Variants in ZSWIM4 observed in about 807,000 individuals in gnomAD.
ZSWIM4 encodes zinc finger SWIM domain-containing protein 4.
A neutral mutation model predicts 102.5 loss-of-function variants in ZSWIM4; 62 were observed. The observed-to-expected ratio is 0.60, with a 90% CI of 0.49 to 0.75. ZSWIM4 has a LOEUF of 0.75. Ranked by LOEUF, ZSWIM4 falls within the 30% of genes least tolerant of loss-of-function variation. The probability of loss-of-function intolerance (pLI) is 0.00; values close to 1 mark genes in which losing one functional copy is unlikely to be tolerated. For synonymous variants in ZSWIM4, 652 were observed against 674.5 expected (o/e 0.97, Z 0.52); for missense variants, 1,280 against 1,529.6 (o/e 0.84, Z 2.72).
chr19:13,799,556 G>A (rs867253530), intron 1 of ZSWIM4, among the ~76,000 whole-genome samples, 164 bp from the exon 2 acceptor site: 8 of 151,894 alleles, frequency 5.3e-5, no homozygotes, highest in Non-Finnish European at 1.2e-4. Flanking sequence ...GATTACAGGC[G>A]TGAGCCATCG....
At chr19:13,816,535 G>A (rs528648610) in intron 7 of ZSWIM4, among the ~76,000 whole-genome samples, 1 of 152,244 alleles carries the variant, frequency 6.6e-6, no homozygotes, top group East Asian at 1.9e-4. Flanking sequence ...ACTGAGGCAG[G>A]AGAATCCCTT....
intron 10 of ZSWIM4, among the ~76,000 whole-genome samples, chr19:13,820,256 G>A (rs1019033472): frequency 6.6e-6 from 1 of 151,844 alleles, no homozygotes; most frequent in African/African-American, 2.4e-5. Flanking sequence ...TTTGTTTTGA[G>A]ACAGGGTCTG....
At position 13,817,748 on chromosome 19, in the gene ZSWIM4, G is replaced by A. The variant is rs918728872; in HGVS notation, c.1696G>A (p.Ala566Thr). 3 of 1,606,816 alleles carry A rather than the reference G, an allele frequency of 1.9e-6. No homozygotes were observed. The highest frequency in any genetic ancestry group is 2.5e-6 in the Non-Finnish European group (3 of 1,177,630). ...CTCAGGCCCCGAGAAGCGGAAGGTG[G>A]CCTACCAGCACGTGCCTGTGCCCGG... ...PDSGPEKRKVAYQHVPVPGSP... is the reference protein window; with the variant it reads ...PDSGPEKRKVTYQHVPVPGSP... The change falls in exon 9 of 14, where the codon GCC becomes ACC. Residue 566 changes from alanine to threonine, a missense_variant. By Grantham distance (58) the Ala-to-Thr change is moderately conservative (BLOSUM62 0). Transcript: ENST00000590508.
chr19:13,825,862 TGAGCGA>T lies in ZSWIM4; in HGVS notation c.2379+152_2379+157del. On this transcript the variant is annotated intron_variant, in intron 12 of 13. Transcript: ENST00000590508. This position sits in a 1 kb window ranked among gnomAD's most constrained non-coding sequence, Gnocchi z 4.6. ...GAGCTATTCCTCTGTGGCTGGGGAC[TGAGCGA>T]GAACCACTCTTGGGGCGGGGACTGT... is the stretch of plus-strand genomic sequence containing the variant. 3 of 1,179,570 alleles carry T rather than the reference TGAGCGA, an allele frequency of 2.5e-6. No homozygotes were observed. Among genetic ancestry groups the T allele is most frequent in the Non-Finnish European group, 2.3e-6 (2 of 860,572 alleles). 73.1% of individuals were successfully genotyped at this position (1,179,570 alleles called of 1,614,324 possible).
intron 5 of ZSWIM4, among the ~76,000 whole-genome samples, chr19:13,811,260 C>A (rs748593188): frequency 1.3e-5 from 2 of 152,152 alleles, no homozygotes; most frequent in Non-Finnish European, 2.9e-5. Flanking sequence ...TTCAGCCCTG[C>A]AGGCCATCTG....
Position 13,810,096 on chromosome 19 carries a change from AC to A in ZSWIM4, c.1012+878del, listed in dbSNP as rs546151999. Among the ~76,000 whole-genome samples, 215 of 147,590 alleles carry A rather than the reference AC, an allele frequency of 1.5e-3. 1 individual carries two copies. The highest frequency in any genetic ancestry group is 5.0e-3 in the African/African-American group (200 of 39,950). On this transcript the variant is annotated intron_variant, in intron 5 of 13. Coordinates refer to ENST00000590508, the MANE Select transcript of ZSWIM4 (RefSeq NM_001367834.3). ...TGCAAGCTCCGCCCTCCGGGTTCAC[AC>A]CATTCTCCTGCCTCAGCCTCCCTAG...
intron 7 of ZSWIM4, among the ~76,000 whole-genome samples, chr19:13,816,833 G>A (rs980616906): frequency 6.6e-6 from 1 of 152,122 alleles, no homozygotes; most frequent in Non-Finnish European, 1.5e-5. Context: ...GTCCTTGGGG[G>A]CCCTAAAGGC....
At chr19:13,819,271 C>G in intron 9 of ZSWIM4, 86 bp from the exon 10 acceptor site, 3 of 1,555,340 alleles carry the variant, frequency 1.9e-6, no homozygotes, top group Non-Finnish European at 2.6e-6. Flanking sequence ...AGCCCACCCT[C>G]TACTTAAAGC....
chr19:13,800,027 A>C (rs1974716426), intron 2 of ZSWIM4, 106 bp downstream of exon 2: 1 of 1,106,314 alleles, frequency 9.0e-7, no homozygotes. Context: ...GGGAGGTTAC[A>C]GACCTCAGGC....
At chr19:13,811,339 C>G (rs1301990120) in intron 5 of ZSWIM4, among the ~76,000 whole-genome samples, 1 of 152,134 alleles carries the variant, frequency 6.6e-6, no homozygotes, top group Non-Finnish European at 1.5e-5. Context: ...ATATACCAAA[C>G]GGGCATGGTA....
rs769389486 is a variant in ZSWIM4 at position 13,830,952 on chromosome 19, G to C, written c.3223G>C (p.Asp1075His). The stretch of plus-strand genomic sequence containing the variant: ...CCGGGAGACCTTCCTGCTGGCGCCC[G>C]ACGGGCACCTCCAGTTCTCACAGTT... ...KARETFLLAP[D>H]GHLQFSQFLE... The change falls in exon 14 of 14, where the codon GAC (aspartate) becomes CAC (histidine). Residue 1075 changes from aspartate (D) to histidine (H), a missense_variant. Physicochemically the swap from Asp to His is moderately conservative, Grantham distance 81. Coordinates refer to ENST00000590508, the MANE Select transcript of ZSWIM4 (RefSeq NM_001367834.3). 3 of 1,614,188 alleles carry C rather than the reference G, an allele frequency of 1.9e-6. No individual in the cohort carries two copies. Among genetic ancestry groups the C allele is most frequent in the Non-Finnish European group, 2.5e-6 (3 of 1,180,040 alleles).
At chr19:13,806,865 C>T (rs1974932704) in intron 3 of ZSWIM4, among the ~76,000 whole-genome samples, 1 of 151,776 alleles carries the variant, frequency 6.6e-6, no homozygotes, top group Admixed American at 6.6e-5. Flanking sequence ...GGAAGGTTCA[C>T]ATATGTGGAT....
chr19:13,824,875 C>A (rs1213954387), intron 11 of ZSWIM4, among the ~76,000 whole-genome samples: 18 of 151,874 alleles, frequency 1.2e-4, no homozygotes, highest in Admixed American at 1.2e-3. Context: ...TGAGTGTTAC[C>A]CATTTTACAG....
At chr19:13,800,040 C>T (rs1974716989) in intron 2 of ZSWIM4, 119 bp downstream of exon 2, 3 of 827,710 alleles carry the variant, frequency 3.6e-6, no homozygotes, top group Non-Finnish European at 5.5e-6. Flanking sequence ...CCTCAGGCTT[C>T]GAGGCCCAGA....
intron 10 of ZSWIM4, among the ~76,000 whole-genome samples, chr19:13,821,770 G>A (rs1975469564): frequency 1.3e-5 from 2 of 151,718 alleles, no homozygotes; most frequent in South Asian, 4.2e-4. Context: ...CCAGGCTGGA[G>A]TGCAGTGGCA....
At chr19:13,818,506 T>A (rs1975365685) in intron 9 of ZSWIM4, among the ~76,000 whole-genome samples, 1 of 152,228 alleles carries the variant, frequency 6.6e-6, no homozygotes, top group African/African-American at 2.4e-5. Context: ...CCCCACCTTG[T>A]ATCTGAGTCC....
chr19:13,828,604 A>G, intron 12 of ZSWIM4, 41 bp from the exon 13 acceptor site: 3 of 1,603,854 alleles, frequency 1.9e-6, no homozygotes, highest in Non-Finnish European at 2.6e-6. Flanking sequence ...GGCCAGCCCA[A>G]GACTCAGGCT....
rs559934421 is a variant in ZSWIM4 at position 13,813,124 on chromosome 19, C to A, written c.1140C>A (p.Phe380Leu). ...CACTGGAAGAGGGCAACTACTCCTT[C>A]GACGGCCCCAGCCTGCAGCCCACCA... ...VCPLEEGNYS[F>L]DGPSLQPTMA... Residue 380 changes from phenylalanine to leucine, a missense_variant, in exon 6 of 14, where the codon TTC becomes TTA. Coordinates refer to ENST00000590508, the MANE Select transcript of ZSWIM4 (RefSeq NM_001367834.3). 1.9e-6 allele frequency: 3 copies of A among 1,613,664 alleles called. No homozygotes were observed. In the African/African-American group the frequency reaches 4.0e-5, roughly 22 times the overall value.
chr19:13,829,596 G>C (rs1439191598), intron 13 of ZSWIM4, among the ~76,000 whole-genome samples: 1 of 151,322 alleles, frequency 6.6e-6, no homozygotes, highest in Non-Finnish European at 1.5e-5. Flanking sequence ...ATCTCAAAAT[G>C]GGCAGATCAC....
Sources: gnomAD v4.1 joint callset for allele counts (sites outside exome capture counted in the v4.1 genomes callset) on GRCh38, gnomAD v4.1.1 for gene constraint, Gnocchi (gnomAD v3.1) non-coding constraint, MANE v1.5 for transcripts, NCBI Gene and HGNC (gene_info 2026-07-23, HGNC 2026-07-21) for gene names.